TUT4: variants seen among roughly 807,000 people sequenced by gnomAD.
TUT4 encodes terminal uridylyl transferase 4, also known as terminal uridylyltransferase 4.
A neutral mutation model predicts 192.2 loss-of-function variants in TUT4; 36 were observed. The observed-to-expected ratio is 0.19, with a 90% CI of 0.14 to 0.25. The LOEUF is 0.25. Ranked by LOEUF, TUT4 falls within the 10% of genes least tolerant of loss-of-function variation. The pLI, the probability that TUT4 is intolerant of heterozygous loss-of-function variation, is 1.00. For missense variants in TUT4, 1,493 were observed against 1,957.2 expected (o/e 0.76, Z 4.47); for synonymous variants, 618 against 666.0 (o/e 0.93, Z 1.11).
intron 2 of TUT4, among the ~76,000 whole-genome samples, chr1:52,524,273 C>T (rs1006520310): frequency 1.3e-5 from 2 of 152,186 alleles, no homozygotes; most frequent in East Asian, 1.9e-4. Context: ...CAGTGGCTCA[C>T]GCTTGCAATC....
At chr1:52,462,781 G>C (rs1038902131) in intron 16 of TUT4, 1 of 984,938 alleles carries the variant, frequency 1.0e-6, no homozygotes, top group African/African-American at 1.7e-5. Flanking sequence ...AAATTTAAAT[G>C]TGTTACTCTT....
intron 28 of TUT4, among the ~76,000 whole-genome samples, chr1:52,427,062 G>A (rs1650229350): frequency 6.6e-6 from 1 of 152,006 alleles, no homozygotes; most frequent in African/African-American, 2.4e-5. Context: ...ACAGGAACAT[G>A]GCAGGCTACT....
intron 20 of TUT4, among the ~76,000 whole-genome samples, chr1:52,446,994 C>G (rs1022752776): frequency 6.6e-6 from 1 of 152,124 alleles, no homozygotes; most frequent in Non-Finnish European, 1.5e-5. Flanking sequence ...GATGAAACAG[C>G]AGTTTCATCA....
intron 1 of TUT4, among the ~76,000 whole-genome samples, chr1:52,550,092 G>A (rs1055403667): frequency 2.0e-5 from 3 of 151,966 alleles, no homozygotes; most frequent in African/African-American, 4.8e-5. Context: ...TTTGAATATA[G>A]TCTGTACATA....
In TUT4 at chr1:52,466,682, A is replaced by ATTTTTTTT. The variant is rs1553174161; in HGVS notation, c.2965+1498_2965+1499insAAAAAAAA. Among the ~76,000 whole-genome samples, 486 of 123,820 alleles carry ATTTTTTTT rather than the reference A, an allele frequency of 3.9e-3. 5 individuals carry two copies. Among genetic ancestry groups the ATTTTTTTT allele is most frequent in the African/African-American group, 0.015 (461 of 30,848 alleles). The allele number at this position is 123,820 out of a possible 152,430, so 81.2% of individuals were successfully genotyped here. A position where few individuals can be genotyped will look rare whatever the true frequency, so the allele number is the denominator to read the frequency against. On this transcript the variant is annotated intron_variant, in intron 15 of 29. Transcript: ENST00000257177. The stretch of plus-strand genomic sequence containing the variant: ...AAAATATATATATATATATATATAT[A>ATTTTTTTT]TTTTTGAGACAGAGTTTCGCTCTTG...
chr1:52,463,601 A>G lies in TUT4; in HGVS notation c.3069+1469T>C, dbSNP rs145955201. The G allele has an allele frequency of 8.1e-5, 104 of 1,285,444 alleles. No homozygotes were observed. In the Middle Eastern group the frequency reaches 1.3e-3, roughly 16 times the overall value. The allele number at this position is 1,285,444 out of a possible 1,614,324, so 79.6% of individuals were successfully genotyped here. A position where few individuals can be genotyped will look rare whatever the true frequency, so the allele number is the denominator to read the frequency against. ...AAGCTGGGCCTCACCCCAATCTTGC[A>G]AACAGTCCCGCATTTTGAAACATAA... On this transcript the variant is annotated intron_variant, in intron 16 of 29. Coordinates refer to ENST00000257177, the MANE Select transcript of TUT4 (RefSeq NM_001009881.3).
At chr1:52,533,539 C>T (rs1162028116) in intron 1 of TUT4, among the ~76,000 whole-genome samples, 3 of 152,142 alleles carry the variant, frequency 2.0e-5, no homozygotes, top group Admixed American at 6.5e-5. Flanking sequence ...CTACAGTTGT[C>T]GTTATACTGA....
intron 14 of TUT4, among the ~76,000 whole-genome samples, chr1:52,471,613 C>T (rs1480297001): frequency 6.6e-6 from 1 of 152,134 alleles, no homozygotes; most frequent in African/African-American, 2.4e-5. Context: ...CTACTGAGTA[C>T]TTGAGATATG....
intron 20 of TUT4, among the ~76,000 whole-genome samples, chr1:52,457,328 C>T (rs901647683): frequency 7.2e-5 from 11 of 151,732 alleles, no homozygotes; most frequent in South Asian, 4.2e-4. Flanking sequence ...CTCTGCCTCC[C>T]GGGTTCAAGC....
intron 2 of TUT4, among the ~76,000 whole-genome samples, chr1:52,518,348 A>T (rs996531548): frequency 6.6e-6 from 1 of 152,202 alleles, no homozygotes; most frequent in Non-Finnish European, 1.5e-5. Context: ...TGGAGACTGG[A>T]AAGTCAAAGA....
chr1:52,534,138 G>C (rs1684261542), intron 1 of TUT4, among the ~76,000 whole-genome samples: 1 of 152,074 alleles, frequency 6.6e-6, no homozygotes, highest in African/African-American at 2.4e-5. Context: ...AGTGAGTTTG[G>C]GAAAATAATC....
intron 1 of TUT4, among the ~76,000 whole-genome samples, chr1:52,548,525 T>G (rs780980987): frequency 2.6e-5 from 4 of 152,180 alleles, no homozygotes; most frequent in Non-Finnish European, 4.4e-5. Context: ...AAATCCTGAC[T>G]GCAGCAAACT....
chr1:52,439,223 C>T (rs1321543040), intron 24 of TUT4, among the ~76,000 whole-genome samples: 1 of 152,102 alleles, frequency 6.6e-6, no homozygotes, highest in Non-Finnish European at 1.5e-5. Context: ...TGGCGAAACT[C>T]TGTCTCTAAA....
intron 28 of TUT4, among the ~76,000 whole-genome samples, chr1:52,428,809 G>C (rs968709135): frequency 1.3e-5 from 2 of 151,774 alleles, no homozygotes; most frequent in Admixed American, 1.3e-4. Flanking sequence ...TACTTTTTTA[G>C]ATAAACAGGA....
chr1:52,461,553 C>T lies in TUT4; in HGVS notation c.3191G>A (p.Arg1064Gln), dbSNP rs758920755. ...KVPIVKFEHRRSGLEGDISLY... is the reference protein window; with the variant it reads ...KVPIVKFEHRQSGLEGDISLY... ...ACTGATATCGCCTTCTAACCCACTT[C>T]GCCTGTGTTCAAATTTTACTATAGG... The change falls in exon 18 of 30, where the codon CGA (arginine) becomes CAA (glutamine). Residue 1064 changes from arginine to glutamine, a missense_variant. Around this residue, in one of 7 missense-constraint regions of TUT4, gnomAD observed 141 missense variants for 382.7 expected, o/e 0.37. Transcript: ENST00000257177. The T allele has an allele frequency of 8.1e-6, 13 of 1,613,038 alleles. No homozygotes were observed. In the East Asian group the frequency reaches 1.8e-4, roughly 22 times the overall value.
rs1212505811 is a variant in TUT4, at chr1:52,515,945, C to G, written c.828G>C (p.Gly276=). ...ESALTPEQRL[G]LKQAEERLER... ...CTAAGCGTTCTTCTGCTTGTTTCAACCCCAGCCTCTGCTCAGGTGTCAATG... is the reference window on the plus strand; with the variant it reads ...CTAAGCGTTCTTCTGCTTGTTTCAAGCCCAGCCTCTGCTCAGGTGTCAATG... The change falls in exon 3 of 30, where the codon GGG becomes GGC. Residue 276 remains glycine (G), a synonymous_variant. Coordinates refer to ENST00000257177, the MANE Select transcript of TUT4 (RefSeq NM_001009881.3). 6.2e-7 allele frequency: 1 copy of G among 1,613,438 alleles called. No individual in the cohort carries two copies. The highest frequency in any genetic ancestry group is 8.5e-7 in the Non-Finnish European group (1 of 1,179,914).
intron 3 of TUT4, among the ~76,000 whole-genome samples, chr1:52,510,697 G>A (rs1343911640): frequency 6.6e-6 from 1 of 152,164 alleles, no homozygotes; most frequent in African/African-American, 2.4e-5. Flanking sequence ...CAGGCACTAT[G>A]CTAGGTGTTT....
intron 2 of TUT4, among the ~76,000 whole-genome samples, chr1:52,519,985 C>T (rs1679807926): frequency 1.3e-5 from 2 of 152,136 alleles, no homozygotes; most frequent in South Asian, 4.1e-4. Flanking sequence ...CGCCACTGCA[C>T]TCCAGCCTGG....
Position 52,423,457 on chromosome 1 carries a change from G to T in TUT4, c.*478C>A, listed in dbSNP as rs988014091. ...TTTTAAAAAGTTTTTGGCACTACAA[G>T]GTTCTGTAAAGAATAGAAGTGACAA... On this transcript the variant is annotated 3_prime_UTR_variant, in exon 30 of 30. Coordinates refer to ENST00000257177, the MANE Select transcript of TUT4 (RefSeq NM_001009881.3). 6.4e-6 allele frequency: 1 copy of T among 157,266 alleles called. No individual in the cohort carries two copies. Among genetic ancestry groups the T allele is most frequent in the Non-Finnish European group, 1.4e-5 (1 of 71,010 alleles). The allele number at this position is 157,266 out of a possible 1,614,324, so 9.7% of individuals were successfully genotyped here.
Sources: allele counts gnomAD v4.1 joint callset (sites outside exome capture counted in the v4.1 genomes callset), GRCh38; gene constraint gnomAD v4.1.1; regional missense constraint gnomAD v4.1.1; transcripts MANE v1.5; gene names NCBI Gene and HGNC (gene_info 2026-07-23, HGNC 2026-07-21).